Variants in MCF2L2 observed in about 807,000 individuals in gnomAD.
MCF2L2 encodes the protein probable guanine nucleotide exchange factor MCF2L2.
Under a neutral mutation model 150.2 loss-of-function variants are expected in MCF2L2, and 102 were observed. The observed-to-expected ratio is 0.68, with a 90% CI of 0.58 to 0.80. The LOEUF (loss-of-function observed/expected upper bound fraction) is 0.80, where lower values mean the gene tolerates loss of function less well. Ranked by LOEUF, MCF2L2 falls within the 30% of genes least tolerant of loss-of-function variation. The probability of loss-of-function intolerance (pLI) is 0.00; values close to 1 mark genes in which losing one functional copy is unlikely to be tolerated. For synonymous variants in MCF2L2, 465 were observed against 491.3 expected (o/e 0.95, Z 0.71); for missense variants, 1,256 against 1,372.8 (o/e 0.91, Z 1.34).
At chr3:183,346,592 A>G (rs1730908182) in intron 3 of MCF2L2, among the ~76,000 whole-genome samples, 1 of 152,216 alleles carries the variant, frequency 6.6e-6, no homozygotes, top group Non-Finnish European at 1.5e-5. Flanking sequence ...AATAAAGGGT[A>G]TTCAAATCGG....
chr3:183,427,905 C>G lies in MCF2L2; in HGVS notation c.73G>C (p.Val25Leu). Residue 25 changes from valine to leucine, a missense_variant, in exon 1 of 30, where the codon GTC (valine) becomes CTC (leucine). Coordinates refer to ENST00000328913, the MANE Select transcript of MCF2L2 (RefSeq NM_015078.4). ...TRRLATVITH[V>L]DEIMQQEVRP... ...GAAAAATTAAAGCTTCGTTTACCGACATGAGTGATCACTGTGGCCAGTCGC... is the reference window on the plus strand; with the variant it reads ...GAAAAATTAAAGCTTCGTTTACCGAGATGAGTGATCACTGTGGCCAGTCGC... 1 of 1,613,862 alleles carries G rather than the reference C, an allele frequency of 6.2e-7. No homozygotes were observed. The highest frequency in any genetic ancestry group is 1.1e-5 in the South Asian group (1 of 91,082).
intron 1 of MCF2L2, among the ~76,000 whole-genome samples, chr3:183,401,041 C>A (rs961550502): frequency 5.9e-5 from 9 of 152,022 alleles, no homozygotes; most frequent in African/African-American, 1.9e-4. Context: ...ATGTAGAGCG[C>A]CTCCTGAACG....
chr3:183,290,565 C>A (rs1387725034), intron 13 of MCF2L2, among the ~76,000 whole-genome samples: 2 of 151,542 alleles, frequency 1.3e-5, no homozygotes, highest in Non-Finnish European at 2.9e-5. Flanking sequence ...GACAGAGTCT[C>A]GCTCTGTCGC....
At chr3:183,257,346 A>G (rs1370254390) in intron 15 of MCF2L2, among the ~76,000 whole-genome samples, 1 of 152,190 alleles carries the variant, frequency 6.6e-6, no homozygotes, top group African/African-American at 2.4e-5. Context: ...TCCAGCTTGC[A>G]CTGGAATATT....
At chr3:183,251,761 G>C (rs560005079) in intron 15 of MCF2L2, among the ~76,000 whole-genome samples, 1 of 151,970 alleles carries the variant, frequency 6.6e-6, no homozygotes, top group African/African-American at 2.4e-5. Context: ...CTCTGGGTGG[G>C]ACAGGAAGCC....
chr3:183,215,969 C>G lies in MCF2L2; in HGVS notation c.2496G>C (p.Pro832=), dbSNP rs770215135. The G allele has an allele frequency of 1.9e-6, 3 of 1,612,832 alleles. No homozygotes were observed. Among genetic ancestry groups the G allele is most frequent in the Non-Finnish European group, 8.5e-7 (1 of 1,179,398 alleles). ...AVDLAAVTEC[P]DDIGKLGKLL... Reference sequence around the variant, plus strand: ...GCTCTAACACTACTATGGAACATACCGGACATTCAGTCACTGCTGCTAGGT... The same window carrying G: ...GCTCTAACACTACTATGGAACATACGGGACATTCAGTCACTGCTGCTAGGT... The change falls in exon 22 of 30, where the codon CCG becomes CCC. Residue 832 remains proline (P), a splice_region_variant and synonymous_variant. Coordinates refer to ENST00000328913, the MANE Select transcript of MCF2L2 (RefSeq NM_015078.4).
rs573983242 is a variant in MCF2L2 at position 183,194,807 on chromosome 3, G to A, written c.2918+415C>T. 2.6e-5 allele frequency among the ~76,000 whole-genome samples: 4 copies of A among 152,100 alleles called. No homozygotes were observed. The South Asian group carries it at 6.2e-4, about 24-fold the overall frequency. On this transcript the variant is annotated intron_variant, in intron 26 of 29. Coordinates refer to ENST00000328913, the MANE Select transcript of MCF2L2 (RefSeq NM_015078.4). ...ATGCACTTATTTATTTTTGAGATAG[G>A]CTCTCGCTCTGTCACAGAGGCTAGA...
At chr3:183,289,352 G>C in intron 13 of MCF2L2, 132 bp from the exon 14 acceptor site, 1 of 621,608 alleles carries the variant, frequency 1.6e-6, no homozygotes, top group Admixed American at 2.7e-5. Flanking sequence ...CTGCTGCGTT[G>C]ATTTCCTAGG....
chr3:183,402,884 G>A (rs1181997613), intron 1 of MCF2L2, among the ~76,000 whole-genome samples: 1 of 148,024 alleles, frequency 6.8e-6, no homozygotes, highest in African/African-American at 2.6e-5. Context: ...ATATATATAC[G>A]AAATTTAAAA....
At position 183,207,710 on chromosome 3, in the gene MCF2L2, C is replaced by T. The variant is rs1323330459; in HGVS notation, c.2610G>A (p.Arg870=). The T allele has an allele frequency of 1.2e-5, 19 of 1,614,032 alleles. No homozygotes were observed. Among genetic ancestry groups the T allele is most frequent in the Non-Finnish European group, 1.4e-5 (17 of 1,179,960 alleles). The change falls in exon 23 of 30, where the codon AGG becomes AGA. Residue 870 remains arginine (R), a synonymous_variant. Coordinates refer to ENST00000328913, the MANE Select transcript of MCF2L2 (RefSeq NM_015078.4). ...KDLIRFKPSQ[R]QIYLFERGIV... is the part of the protein sequence containing the mutation. ...TTCCCCTTTCAAATAGGTAGATTTG[C>T]CTCTGGCTGGGTTTAAATCGAATCA...
At chr3:183,404,579 T>C (rs1453858774) in intron 1 of MCF2L2, among the ~76,000 whole-genome samples, 1 of 152,152 alleles carries the variant, frequency 6.6e-6, no homozygotes, top group African/African-American at 2.4e-5. Context: ...TAAAACAATA[T>C]GGGCTGGGCG....
intron 15 of MCF2L2, among the ~76,000 whole-genome samples, chr3:183,258,063 G>GTT (rs1164810826): frequency 6.8e-6 from 1 of 148,142 alleles, no homozygotes; most frequent in Non-Finnish European, 1.5e-5. Flanking sequence ...CGCCTCCTGG[G>GTT]TTCAAGCGAT....
At chr3:183,231,298 T>C (rs1036235281) in intron 15 of MCF2L2, 1 of 556,134 alleles carries the variant, frequency 1.8e-6, no homozygotes, top group Non-Finnish European at 3.4e-6. Flanking sequence ...GTGGGCCATA[T>C]AGTGTGGGGG....
intron 19 of MCF2L2, 41 bp downstream of exon 19, chr3:183,224,057 A>T: frequency 6.8e-7 from 1 of 1,474,548 alleles, no homozygotes; most frequent in Non-Finnish European, 9.5e-7. Flanking sequence ...CTTGATGCAT[A>T]GAAACATTTT....
chr3:183,400,349 A>G (rs1482511056), intron 1 of MCF2L2: 1 of 453,134 alleles, frequency 2.2e-6, no homozygotes, highest in African/African-American at 2.0e-5. Context: ...CTTCCACACT[A>G]CCTTTTTTTG....
intron 5 of MCF2L2, among the ~76,000 whole-genome samples, chr3:183,334,510 G>A (rs1431462186): frequency 2.0e-5 from 3 of 151,340 alleles, no homozygotes; most frequent in South Asian, 2.1e-4. Context: ...AGAAAGGGCC[G>A]GGCATGGTGA....
At chr3:183,397,661 G>A (rs1714538333) in intron 1 of MCF2L2, among the ~76,000 whole-genome samples, 1 of 150,760 alleles carries the variant, frequency 6.6e-6, no homozygotes, top group Admixed American at 6.6e-5. Flanking sequence ...GTTGGTAAGA[G>A]TGTAGGCAGA....
intron 15 of MCF2L2, among the ~76,000 whole-genome samples, chr3:183,233,454 A>C (rs1576945175): frequency 6.6e-6 from 1 of 152,050 alleles, no homozygotes; most frequent in Non-Finnish European, 1.5e-5. Context: ...TATAATGATG[A>C]AATACCATGC....
chr3:183,316,436 C>G (rs1479382687), intron 7 of MCF2L2, among the ~76,000 whole-genome samples: 1 of 151,514 alleles, frequency 6.6e-6, no homozygotes, highest in East Asian at 1.9e-4. Context: ...CCTCCATCTC[C>G]CGGGTTCAAG....
Sources: allele counts gnomAD v4.1 joint callset (sites outside exome capture counted in the v4.1 genomes callset), GRCh38; gene constraint gnomAD v4.1.1; transcripts MANE v1.5; gene names NCBI Gene and HGNC (gene_info 2026-07-23, HGNC 2026-07-21).